Variants in PLAC9 observed in about 807,000 individuals in gnomAD.
The protein encoded by PLAC9 is placenta-specific protein 9.
A neutral mutation model predicts 11.5 loss-of-function variants in PLAC9; 12 were observed. The ratio of observed to expected loss-of-function variants is 1.05; its 90% CI spans 0.67 to 1.69. The LOEUF is 1.69. Ranked by LOEUF, PLAC9 falls within the 40% of genes most tolerant of loss-of-function variation. The pLI is 0.00. For missense variants in PLAC9, 132 were observed against 130.5 expected (o/e 1.01, Z -0.06); for synonymous variants, 62 against 58.1 (o/e 1.07, Z -0.31).
intron 1 of PLAC9, among the ~76,000 whole-genome samples, chr10:80,135,746 C>A (rs1844968402): frequency 6.6e-6 from 1 of 152,122 alleles, no homozygotes; most frequent in South Asian, 2.1e-4. Context: ...TTTATAAAAT[C>A]ACTTGAAGAA....
chr10:80,142,157 G>A lies in PLAC9; in HGVS notation c.140G>A (p.Arg47His), dbSNP rs140942088. Residue 47 changes from arginine to histidine, a missense_variant, in exon 2 of 4, where the codon CGC (arginine) becomes CAC (histidine). By Grantham distance (29) the Arg-to-His change is conservative. Coordinates refer to ENST00000372263, the MANE Select transcript of PLAC9 (RefSeq NM_001012973.3). The stretch of plus-strand genomic sequence containing the variant: ...TGTGACAGACACATGGCTGTGCAAC[G>A]CCGTCTAGATGTCATGGAGGAGGTA... ...TACDRHMAVQ[R>H]RLDVMEEMVE... 5,201 of 1,608,934 alleles carry A rather than the reference G, an allele frequency of 3.2e-3. 98 individuals carry two copies. In the South Asian group the frequency reaches 0.036, roughly 11 times the overall value.
chr10:80,139,136 T>C (rs1468385786), intron 1 of PLAC9, among the ~76,000 whole-genome samples: 1 of 151,986 alleles, frequency 6.6e-6, no homozygotes. Context: ...GTATTTTTAG[T>C]AGAGACGGGG....
intron 1 of PLAC9, among the ~76,000 whole-genome samples, chr10:80,134,567 C>G (rs1844952192): frequency 6.6e-6 from 1 of 152,018 alleles, no homozygotes; most frequent in South Asian, 2.1e-4. Context: ...CCTGGCCTGG[C>G]ATCATGTATT....
At chr10:80,133,071 G>A (rs1844931437) in intron 1 of PLAC9, among the ~76,000 whole-genome samples, 1 of 152,232 alleles carries the variant, frequency 6.6e-6, no homozygotes, top group South Asian at 2.1e-4. Context: ...AAGGAAAAAG[G>A]AGAGGCTGAG....
At position 80,144,962 on chromosome 10, in the gene PLAC9, C is replaced by T. The variant is rs1382631775; in HGVS notation, c.*52C>T. 6.4e-7 allele frequency: 1 copy of T among 1,559,172 alleles called. No individual in the cohort carries two copies. The highest frequency in any genetic ancestry group is 8.7e-7 in the Non-Finnish European group (1 of 1,150,056). On this transcript the variant is annotated 3_prime_UTR_variant, in exon 4 of 4. Coordinates refer to ENST00000372263, the MANE Select transcript of PLAC9 (RefSeq NM_001012973.3). ...GAGGTGGTGCACCTGCCAGGCAGCG[C>T]CCACAGAACCAGCCCTGTCCTCTCG...
chr10:80,142,191 G>T lies in PLAC9; in HGVS notation c.162+12G>T. 1 of 1,595,140 alleles carries T rather than the reference G, an allele frequency of 6.3e-7. No individual in the cohort carries two copies. The highest frequency in any genetic ancestry group is 8.6e-7 in the Non-Finnish European group (1 of 1,165,020). ...ATGTCATGGAGGAGGTAACAGGGTGGTTTGGAAGGACATGCGAGTTCAGGA... is the reference window on the plus strand; with the variant it reads ...ATGTCATGGAGGAGGTAACAGGGTGTTTTGGAAGGACATGCGAGTTCAGGA... On this transcript the variant is annotated intron_variant, in intron 2 of 3. Coordinates refer to ENST00000372263, the MANE Select transcript of PLAC9 (RefSeq NM_001012973.3).
At position 80,142,184 on chromosome 10, in the gene PLAC9, CAG is replaced by C. The variant is rs1465839640; in HGVS notation, c.162+6_162+7del. 3 of 1,600,750 alleles carry C rather than the reference CAG, an allele frequency of 1.9e-6. No individual in the cohort carries two copies. Among genetic ancestry groups the C allele is most frequent in the East Asian group, 4.5e-5 (2 of 44,412 alleles). ...CGTCTAGATGTCATGGAGGAGGTAA[CAG>C]GGTGGTTTGGAAGGACATGCGAGTT... is the stretch of plus-strand genomic sequence containing the variant. On this transcript the variant is annotated splice_donor_region_variant and intron_variant, in intron 2 of 3. Coordinates refer to ENST00000372263, the MANE Select transcript of PLAC9 (RefSeq NM_001012973.3).
chr10:80,135,449 C>T (rs1467323835), intron 1 of PLAC9, among the ~76,000 whole-genome samples: 1 of 151,466 alleles, frequency 6.6e-6, no homozygotes, highest in African/African-American at 2.4e-5. Flanking sequence ...CCTCAGTCTC[C>T]CAAGTAGCTG....
chr10:80,131,668 C>T (rs187396029), upstream of PLAC9: 3 of 152,334 alleles, frequency 2.0e-5, no homozygotes, highest in East Asian at 3.9e-4. Flanking sequence ...CTCAGATTCT[C>T]GGGCTCAGAA....
At chr10:80,143,925 T>C in intron 2 of PLAC9, 1 of 372,476 alleles carries the variant, frequency 2.7e-6, no homozygotes, top group African/African-American at 2.1e-5. Context: ...AAAAGGAATG[T>C]GAGCTCCAGG....
chr10:80,144,363 G>T lies in PLAC9; in HGVS notation c.283+20G>T. The T allele has an allele frequency of 6.3e-7, 1 of 1,578,318 alleles. No homozygotes were observed. The highest frequency in any genetic ancestry group is 1.3e-5 in the African/African-American group (1 of 74,304). On this transcript the variant is annotated intron_variant, in intron 3 of 3. Coordinates refer to ENST00000372263, the MANE Select transcript of PLAC9 (RefSeq NM_001012973.3). ...TCGGAGGTGAGCAGTGCAGGTGGCA[G>T]AGGACAGCCTCTGGGCGGCTGTCAT...
upstream of PLAC9, among the ~76,000 whole-genome samples, chr10:80,132,096 G>A (rs2132330246): frequency 6.6e-6 from 1 of 152,302 alleles, no homozygotes; most frequent in South Asian, 2.1e-4. Flanking sequence ...CATTAATAAT[G>A]AATTGAATAA....
chr10:80,144,385 T>C (rs755477723), intron 3 of PLAC9, 42 bp downstream of exon 3: 2 of 1,541,410 alleles, frequency 1.3e-6, no homozygotes, highest in African/African-American at 2.7e-5. Flanking sequence ...TGGGCGGCTG[T>C]CATCTGGCGC....
chr10:80,133,936 T>C (rs1291222041), intron 1 of PLAC9, among the ~76,000 whole-genome samples: 1 of 123,510 alleles, frequency 8.1e-6, no homozygotes, highest in African/African-American at 2.9e-5. Flanking sequence ...AGAGCAAGAC[T>C]CAGTTTCAAA....
At chr10:80,137,766 G>A (rs375138356) in intron 1 of PLAC9, among the ~76,000 whole-genome samples, 14 of 152,078 alleles carry the variant, frequency 9.2e-5, no homozygotes, top group South Asian at 6.2e-4. Context: ...AATACAAAAC[G>A]TAGCCAGGCA....
chr10:80,145,135 G>A lies in PLAC9; in HGVS notation c.*225G>A. 1.5e-6 allele frequency: 1 copy of A among 685,040 alleles called. No homozygotes were observed. Among genetic ancestry groups the A allele is most frequent in the South Asian group, 1.6e-5 (1 of 63,888 alleles). The allele number at this position is 685,040 out of a possible 1,614,324, so 42.4% of individuals were successfully genotyped here. ...AACCCCCTCCAGGCTCAGACCTGGG[G>A]ACACCCCCACTCCTGTCATTTATAG... On this transcript the variant is annotated 3_prime_UTR_variant, in exon 4 of 4. Coordinates refer to ENST00000372263, the MANE Select transcript of PLAC9 (RefSeq NM_001012973.3).
At chr10:80,144,859 G>C in intron 3 of PLAC9, 41 bp from the exon 4 acceptor site, 4 of 1,550,628 alleles carry the variant, frequency 2.6e-6, no homozygotes, top group Non-Finnish European at 3.5e-6. Flanking sequence ...GTACTCTGCG[G>C]CACCCCAGCT....
At chr10:80,143,269 G>A (rs1845061590) in intron 2 of PLAC9, among the ~76,000 whole-genome samples, 1 of 151,486 alleles carries the variant, frequency 6.6e-6, no homozygotes, top group East Asian at 1.9e-4. Context: ...GTTTCACCAT[G>A]TTGGCCAGGC....
At chr10:80,139,578 A>C (rs1007661010) in intron 1 of PLAC9, among the ~76,000 whole-genome samples, 1 of 152,112 alleles carries the variant, frequency 6.6e-6, no homozygotes, top group African/African-American at 2.4e-5. Flanking sequence ...CATTCTGCAT[A>C]GCCCTCCTAC....
Sources: allele counts gnomAD v4.1 joint callset (sites outside exome capture counted in the v4.1 genomes callset), GRCh38; gene constraint gnomAD v4.1.1; transcripts MANE v1.5; gene names NCBI Gene and HGNC (gene_info 2026-07-23, HGNC 2026-07-21).